The following TNFSF8 variants were observed in gnomAD, a reference collection of about 807,000 sequenced individuals.
The protein encoded by TNFSF8 is TNF superfamily member 8, also known as tumor necrosis factor ligand superfamily member 8.
In TNFSF8, 4 loss-of-function variants were observed where a neutral mutation model predicts 22.0. The observed-to-expected ratio is 0.18, with a 90% confidence interval of 0.09 to 0.42. The LOEUF is 0.42. Ranked by LOEUF, TNFSF8 falls within the 10% of genes least tolerant of loss-of-function variation. The pLI, the probability that TNFSF8 is intolerant of heterozygous loss-of-function variation, is 1.00. For missense variants in TNFSF8, 233 were observed against 281.8 expected, an observed-to-expected ratio of 0.83 and a Z score of 1.24; for synonymous variants, 106 against 112.5, an observed-to-expected ratio of 0.94 and a Z score of 0.37.
chr9:114,928,501 C>T (rs995374855), intron 1 of TNFSF8, among the ~76,000 whole-genome samples: 3 of 152,214 alleles, frequency 2.0e-5, no homozygotes, highest in African/African-American at 2.4e-5. Context: ...TATATATCAC[C>T]ATCGCCACCC....
chr9:114,901,543 C>A lies in TNFSF8; in HGVS notation c.*2388G>T, dbSNP rs1827717143. The A allele has an allele frequency of 1.0e-6, 1 of 985,150 alleles. No homozygotes were observed. Among genetic ancestry groups the A allele is most frequent in the East Asian group, 1.1e-4 (1 of 8,830 alleles). 61.0% of individuals were successfully genotyped at this position (985,150 alleles called of 1,614,324 possible). A position where few individuals can be genotyped will look rare whatever the true frequency, so the allele number is the denominator to read the frequency against. ...TGGCAAAAAAATTGCTTAGTTAACA[C>A]ACAGTTGGGTTGCATATACCTTTTC... On this transcript the variant is annotated 3_prime_UTR_variant, in exon 4 of 4. Coordinates refer to ENST00000223795, the MANE Select transcript of TNFSF8 (RefSeq NM_001244.4).
intron 2 of TNFSF8, among the ~76,000 whole-genome samples, chr9:114,912,048 G>A (rs1421378822): frequency 4.6e-5 from 7 of 152,254 alleles, no homozygotes; most frequent in African/African-American, 1.7e-4. Flanking sequence ...TTCGTTTTGG[G>A]TTCAAATCAA....
intron 2 of TNFSF8, among the ~76,000 whole-genome samples, chr9:114,917,354 G>A (rs1827932292): frequency 6.6e-6 from 1 of 152,174 alleles, no homozygotes; most frequent in Non-Finnish European, 1.5e-5. Context: ...ATCTTTCTGG[G>A]TTCTAGGCTT....
At chr9:114,930,027 A>G (rs1431014754) in intron 1 of TNFSF8, 82 bp downstream of exon 1, 1 of 1,174,990 alleles carries the variant, frequency 8.5e-7, no homozygotes, top group African/African-American at 1.6e-5. Context: ...CTTAACCAAC[A>G]AACGAATATC....
chr9:114,897,233 C>T (rs113302289), downstream of TNFSF8, among the ~76,000 whole-genome samples: 1,400 of 151,918 alleles, frequency 9.2e-3, 22 homozygotes, highest in African/African-American at 0.032. Flanking sequence ...TAGAGGCTTT[C>T]AATGAACATT....
intron 1 of TNFSF8, among the ~76,000 whole-genome samples, chr9:114,928,140 C>G (rs1382226238): frequency 6.6e-6 from 1 of 152,154 alleles, no homozygotes; most frequent in African/African-American, 2.4e-5. Flanking sequence ...GCACACCGCA[C>G]TGTACAATCA....
downstream of TNFSF8, among the ~76,000 whole-genome samples, chr9:114,900,029 T>C (rs1254559796): frequency 6.6e-6 from 1 of 152,256 alleles, no homozygotes; most frequent in Non-Finnish European, 1.5e-5. Context: ...TGTTCTTGCA[T>C]AGAAGAATGG....
chr9:114,930,231 C>T lies in TNFSF8; in HGVS notation c.73G>A (p.Gly25Ser). ...PGDTAMHVPA[G>S]SVASHLGTTS... is the part of the protein sequence containing the mutation. Reference sequence around the variant, plus strand: ...GTCCCCAGGTGGCTGGCCACGGAGCCCGCCGGCACATGCATGGCTGTGTCT... The same window carrying T: ...GTCCCCAGGTGGCTGGCCACGGAGCTCGCCGGCACATGCATGGCTGTGTCT... Residue 25 changes from glycine to serine, a missense_variant, in exon 1 of 4, where the codon GGC (glycine) becomes AGC (serine). By Grantham distance (56) the Gly-to-Ser change is moderately conservative. Coordinates refer to ENST00000223795, the MANE Select transcript of TNFSF8 (RefSeq NM_001244.4). 3 of 1,608,062 alleles carry T rather than the reference C, an allele frequency of 1.9e-6. No homozygotes were observed. The highest frequency in any genetic ancestry group is 2.5e-6 in the Non-Finnish European group (3 of 1,177,040).
chr9:114,900,801 G>A (rs917684284), downstream of TNFSF8, among the ~76,000 whole-genome samples: 22 of 152,188 alleles, frequency 1.4e-4, no homozygotes, highest in African/African-American at 5.3e-4. Flanking sequence ...GGCCAACATG[G>A]TGAAATCCCG....
rs77800583 is a variant in TNFSF8, at chr9:114,922,669, C to T, written c.196-4531G>A. 1.8e-4 allele frequency among the ~76,000 whole-genome samples: 27 copies of T among 152,178 alleles called. No homozygotes were observed. The East Asian group carries it at 4.6e-3, about 26-fold the overall frequency. On this transcript the variant is annotated intron_variant, in intron 1 of 3. Transcript: ENST00000223795. ...TAGATGAGGGCAGGATAAAGCTGAG[C>T]AGAAAAATCTCCTGAAATTTCATGG... is the stretch of plus-strand genomic sequence containing the variant.
chr9:114,930,093 A>G lies in TNFSF8; in HGVS notation c.195+16T>C, dbSNP rs992349846. 1 of 1,443,884 alleles carries G rather than the reference A, an allele frequency of 6.9e-7. No homozygotes were observed. The allele number at this position is 1,443,884 out of a possible 1,614,324, so 89.4% of individuals were successfully genotyped here. On this transcript the variant is annotated intron_variant, in intron 1 of 3. Transcript: ENST00000223795. ...AACAACAAGAAAAGGAAAGGGAGGA[A>G]GAGGAGTCCACTTACCGTCCTCTGA...
intron 1 of TNFSF8, among the ~76,000 whole-genome samples, chr9:114,928,430 T>C (rs1304577792): frequency 6.6e-6 from 1 of 152,222 alleles, no homozygotes; most frequent in Non-Finnish European, 1.5e-5. Context: ...GGTTCTTTTA[T>C]AGAAGAAATC....
chr9:114,929,975 T>TAGAGAG lies in TNFSF8; in HGVS notation c.195+133_195+134insCTCTCT, dbSNP rs199544391. The stretch of plus-strand genomic sequence containing the variant: ...GTATATACTATAGTATATATATATA[T>TAGAGAG]ATAGAGAGAGAGAGTTTATTTATTT... On this transcript the variant is annotated intron_variant, in intron 1 of 3. Coordinates refer to ENST00000223795, the MANE Select transcript of TNFSF8 (RefSeq NM_001244.4). The TAGAGAG allele has an allele frequency of 5.3e-4, 176 of 330,308 alleles. No individual in the cohort carries two copies. The East Asian group carries it at 8.8e-3, about 17-fold the overall frequency. 20.5% of individuals were successfully genotyped at this position (330,308 alleles called of 1,614,324 possible). A position where few individuals can be genotyped will look rare whatever the true frequency, so the allele number is the denominator to read the frequency against.
intron 2 of TNFSF8, among the ~76,000 whole-genome samples, chr9:114,916,811 A>G (rs1827924776): frequency 6.6e-6 from 1 of 152,360 alleles, no homozygotes; most frequent in Admixed American, 6.5e-5. Flanking sequence ...CAACAGAGAC[A>G]TAGTGACCCC....
intron 1 of TNFSF8, among the ~76,000 whole-genome samples, chr9:114,919,713 C>A (rs147971419): frequency 6.6e-6 from 1 of 152,138 alleles, no homozygotes; most frequent in Admixed American, 6.5e-5. Flanking sequence ...AATTAGCAGC[C>A]GCCCACAGCT....
chr9:114,899,342 A>ATTTTTTTTTTTTTTTT (rs137946179), downstream of TNFSF8, among the ~76,000 whole-genome samples: 4 of 142,628 alleles, frequency 2.8e-5, no homozygotes, highest in Admixed American at 7.1e-5. Context: ...ACAGTAAGTT[A>ATTTTTTTTTTTTTTTT]TTATTTTTTT....
chr9:114,907,759 C>T (rs1266590488), intron 2 of TNFSF8, among the ~76,000 whole-genome samples: 1 of 152,214 alleles, frequency 6.6e-6, no homozygotes, highest in Non-Finnish European at 1.5e-5. Context: ...TCCAGGTACT[C>T]TGCTAAGTAT....
In TNFSF8 at chr9:114,893,705, G is replaced by A. The variant is rs1004453323; in HGVS notation, c.*374C>T. On this transcript the variant is annotated 3_prime_UTR_variant, in exon 5 of 5. Transcript: ENST00000618336. The stretch of plus-strand genomic sequence containing the variant: ...GAAAAGGTACCAATAATGGGCTGTT[G>A]CATGATTGTCAGGTTGGGGTCATAG... The A allele has an allele frequency of 5.4e-5, 10 of 185,742 alleles. No individual in the cohort carries two copies. In the East Asian group the frequency reaches 1.5e-3, roughly 27 times the overall value. 11.5% of individuals were successfully genotyped at this position (185,742 alleles called of 1,614,324 possible).
chr9:114,920,253 T>C (rs1265791888), intron 1 of TNFSF8, among the ~76,000 whole-genome samples: 1 of 152,202 alleles, frequency 6.6e-6, no homozygotes, highest in Middle Eastern at 3.2e-3. Context: ...TGCATTGAAA[T>C]GTCTTACCAC....
Sources: allele counts gnomAD v4.1 joint callset (sites outside exome capture counted in the v4.1 genomes callset), GRCh38; gene constraint gnomAD v4.1.1; transcripts MANE v1.5; gene names NCBI Gene and HGNC (gene_info 2026-07-23, HGNC 2026-07-21).